CSGALNACT1: variants seen among roughly 807,000 people sequenced by gnomAD.
CSGALNACT1 encodes the protein beta4GalNAcT-1.
CSGALNACT1 carries 52 observed loss-of-function variants against 51.0 expected under a neutral mutation model. The observed-to-expected ratio is 1.02, with a 90% CI of 0.82 to 1.29. The LOEUF (loss-of-function observed/expected upper bound fraction) is 1.29, where lower values mean the gene tolerates loss of function less well. Among genes scored for constraint, CSGALNACT1 ranks in the 50% most tolerant of loss-of-function variants. The pLI is 0.00. For synonymous variants in CSGALNACT1, 341 were observed against 254.4 expected (o/e 1.34, Z -3.24); for missense variants, 935 against 679.2 (o/e 1.38, Z -4.19).
intron 1 of CSGALNACT1, among the ~76,000 whole-genome samples, chr8:19,741,593 A>G (rs992305761): frequency 1.3e-5 from 2 of 149,866 alleles, no homozygotes; most frequent in African/African-American, 4.9e-5. Flanking sequence ...AGTCTTAGCC[A>G]AAAGAGTCGG....
chr8:19,590,816 AT>A (rs2047659664), intron 3 of CSGALNACT1, among the ~76,000 whole-genome samples: 1 of 151,590 alleles, frequency 6.6e-6, no homozygotes, highest in Non-Finnish European at 1.5e-5. Context: ...CACCTGGCTA[AT>A]TTTTTGTATT....
At chr8:19,505,814 C>T (rs1333633161) in exon 4 of CSGALNACT1, 4 of 1,612,150 alleles carry the variant, frequency 2.5e-6, no homozygotes, top group Non-Finnish European at 3.4e-6. Context: ...ACGCAAGCAG[C>T]CCCCGGCGAA....
At chr8:19,618,362 A>G (rs950818203) in intron 1 of CSGALNACT1, among the ~76,000 whole-genome samples, 3 of 152,084 alleles carry the variant, frequency 2.0e-5, no homozygotes, top group Admixed American at 6.6e-5. Context: ...AGTAATTGGC[A>G]GGGCCCAGTG....
At chr8:19,733,733 G>A (rs1160278918) in intron 1 of CSGALNACT1, among the ~76,000 whole-genome samples, 1 of 152,202 alleles carries the variant, frequency 6.6e-6, no homozygotes, top group East Asian at 1.9e-4. Flanking sequence ...CCTTTCCCAA[G>A]GCAGACTAGC....
chr8:19,520,225 A>C (rs1257101993), intron 3 of CSGALNACT1, among the ~76,000 whole-genome samples: 4 of 152,234 alleles, frequency 2.6e-5, no homozygotes, highest in Non-Finnish European at 5.9e-5. Flanking sequence ...ATTATTTTAG[A>C]AACTCCATGA....
chr8:19,745,375 TGG>T (rs2064586044), intron 1 of CSGALNACT1, among the ~76,000 whole-genome samples: 1 of 152,198 alleles, frequency 6.6e-6, no homozygotes. Context: ...TACATACTTA[TGG>T]GGTACATTTG....
intron 1 of CSGALNACT1, among the ~76,000 whole-genome samples, chr8:19,705,100 T>A (rs527921399): frequency 3.6e-4 from 55 of 152,332 alleles, no homozygotes; most frequent in African/African-American, 1.3e-3. Context: ...AAAAAGGTAC[T>A]ATGTGAGGTG....
At chr8:19,635,138 G>A (rs780239748) in intron 1 of CSGALNACT1, among the ~76,000 whole-genome samples, 2 of 152,124 alleles carry the variant, frequency 1.3e-5, no homozygotes, top group Non-Finnish European at 2.9e-5. Flanking sequence ...CTTCACTGCC[G>A]TGCCCTGGGC....
At chr8:19,488,547 G>A (rs1472936456) in intron 4 of CSGALNACT1, among the ~76,000 whole-genome samples, 2 of 151,716 alleles carry the variant, frequency 1.3e-5, no homozygotes, top group African/African-American at 2.4e-5. Flanking sequence ...ACTACTTAAC[G>A]GTATCTCAGA....
At chr8:19,665,669 G>C (rs910080577) in intron 1 of CSGALNACT1, among the ~76,000 whole-genome samples, 2 of 152,100 alleles carry the variant, frequency 1.3e-5, no homozygotes, top group African/African-American at 4.8e-5. Context: ...TTGGTTCTGC[G>C]ACCAGAACCA....
chr8:19,502,170 G>C (rs957747014), intron 4 of CSGALNACT1, among the ~76,000 whole-genome samples: 5 of 152,212 alleles, frequency 3.3e-5, no homozygotes, highest in African/African-American at 1.2e-4. Context: ...GATCCCAAAG[G>C]GGAGGTGGCT....
At chr8:19,679,877 A>G (rs1287111661) in intron 1 of CSGALNACT1, among the ~76,000 whole-genome samples, 1 of 152,158 alleles carries the variant, frequency 6.6e-6, no homozygotes, top group Non-Finnish European at 1.5e-5. Flanking sequence ...CTACCCTATA[A>G]AAGTGAGGAA....
chr8:19,651,935 G>T (rs779134868), intron 1 of CSGALNACT1, among the ~76,000 whole-genome samples: 5,826 of 132,328 alleles, frequency 0.044, 152 homozygotes, highest in Middle Eastern at 0.09. Context: ...GTTTTGTTTT[G>T]TTTTGACTTT....
At chr8:19,713,968 G>C (rs1315792001) in intron 1 of CSGALNACT1, among the ~76,000 whole-genome samples, 1 of 152,186 alleles carries the variant, frequency 6.6e-6, no homozygotes. Context: ...CTGAAGACCT[G>C]TGTCCTACTT....
chr8:19,636,380 A>C (rs1334987397), intron 1 of CSGALNACT1, among the ~76,000 whole-genome samples: 1 of 152,234 alleles, frequency 6.6e-6, no homozygotes, highest in Non-Finnish European at 1.5e-5. Flanking sequence ...GGCTTCAGGC[A>C]TCCAATGAGA....
At chr8:19,490,154 A>G (rs780201516) in intron 4 of CSGALNACT1, among the ~76,000 whole-genome samples, 8 of 152,202 alleles carry the variant, frequency 5.3e-5, no homozygotes, top group Non-Finnish European at 8.8e-5. Flanking sequence ...CCGACTTCCC[A>G]GCTCCTCTTT....
chr8:19,657,694 A>G (rs1483084723), intron 1 of CSGALNACT1, among the ~76,000 whole-genome samples: 3 of 152,180 alleles, frequency 2.0e-5, no homozygotes, highest in Admixed American at 2.0e-4. Flanking sequence ...GGCAAAACAA[A>G]TCTGAGGAAA....
intron 3 of CSGALNACT1, among the ~76,000 whole-genome samples, chr8:19,525,348 A>C (rs535611177): frequency 1.6e-4 from 24 of 152,206 alleles, no homozygotes; most frequent in South Asian, 2.1e-4. Context: ...CCATTCCTGT[A>C]ATCTCAGCAC....
At chr8:19,619,202 G>A (rs185381634) in intron 1 of CSGALNACT1, among the ~76,000 whole-genome samples, 3 of 145,050 alleles carry the variant, frequency 2.1e-5, no homozygotes, top group East Asian at 2.3e-4. Flanking sequence ...AGGAGTGCAG[G>A]TGAGGTAAGA....
Sources: allele counts gnomAD v4.1 joint callset (sites outside exome capture counted in the v4.1 genomes callset), GRCh38; gene constraint gnomAD v4.1.1; transcripts MANE v1.5; gene names NCBI Gene and HGNC (gene_info 2026-07-23, HGNC 2026-07-21).